Variants in KCNIP4 observed in about 807,000 individuals in gnomAD.
The protein encoded by KCNIP4 is potassium voltage-gated channel interacting protein 4, also known as Kv channel-interacting protein 4.
Under a neutral mutation model 34.0 loss-of-function variants are expected in KCNIP4, and 12 were observed. That is an observed-to-expected ratio of 0.35 (90% confidence interval 0.23 to 0.57). The LOEUF is 0.57. Among genes scored for constraint, KCNIP4 ranks in the 20% least tolerant of loss-of-function variants. The pLI is 0.83. For missense variants in KCNIP4, 238 were observed against 311.7 expected (o/e 0.76, Z 1.78); for synonymous variants, 124 against 102.2 (o/e 1.21, Z -1.29).
chr4:21,036,211 GA>G (rs1218223773), intron 1 of KCNIP4, among the ~76,000 whole-genome samples: 3 of 152,070 alleles, frequency 2.0e-5, no homozygotes, highest in Non-Finnish European at 4.4e-5. Context: ...ATGCCTTTAT[GA>G]ATACTGTATA....
intron 2 of KCNIP4, among the ~76,000 whole-genome samples, chr4:20,856,772 T>G (rs529992955): frequency 2.6e-5 from 4 of 152,302 alleles, no homozygotes; most frequent in Admixed American, 2.6e-4. Flanking sequence ...TTTATTGTAC[T>G]GGGAAATACA....
At chr4:20,758,972 C>A in intron 3 of KCNIP4, 82 bp from the exon 4 acceptor site, 1 of 1,054,402 alleles carries the variant, frequency 9.5e-7, no homozygotes, top group South Asian at 1.3e-5. Flanking sequence ...ACAGAACTGT[C>A]TACCATGCAA....
chr4:21,915,585 C>T (rs1460325223), intron 1 of KCNIP4, among the ~76,000 whole-genome samples: 2 of 152,194 alleles, frequency 1.3e-5, no homozygotes, highest in African/African-American at 4.8e-5. Flanking sequence ...CTTATAGCCA[C>T]AAAATACCTT....
chr4:21,053,561 GA>G, intron 1 of KCNIP4, among the ~76,000 whole-genome samples: 1 of 152,228 alleles, frequency 6.6e-6, no homozygotes, highest in African/African-American at 2.4e-5. Context: ...CCTTGTAAAT[GA>G]AGAAATAAAA....
At chr4:20,945,803 A>C (rs181483730) in intron 1 of KCNIP4, among the ~76,000 whole-genome samples, 46 of 152,294 alleles carry the variant, frequency 3.0e-4, no homozygotes, top group African/African-American at 1.1e-3. Context: ...CCTGAGATCA[A>C]CGGGTTTTAT....
At chr4:21,377,108 TTC>T (rs1488315279) in intron 1 of KCNIP4, among the ~76,000 whole-genome samples, 2 of 152,220 alleles carry the variant, frequency 1.3e-5, no homozygotes, top group African/African-American at 4.8e-5. Flanking sequence ...GCTGGTTGAA[TTC>T]TGTCTGACAC....
chr4:21,767,676 T>A (rs777338233), intron 1 of KCNIP4, among the ~76,000 whole-genome samples: 2 of 150,094 alleles, frequency 1.3e-5, no homozygotes, highest in Admixed American at 1.3e-4. Context: ...TCCTGAAATA[T>A]ATAAAACGTT....
At chr4:21,634,590 G>A (rs35082075) in intron 1 of KCNIP4, among the ~76,000 whole-genome samples, 23,045 of 151,948 alleles carry the variant, frequency 0.15, 2,083 homozygotes, top group South Asian at 0.21. Context: ...AACACAATTT[G>A]CAAAGTTATG....
chr4:20,932,598 T>C (rs576108598), intron 1 of KCNIP4, among the ~76,000 whole-genome samples: 7 of 152,274 alleles, frequency 4.6e-5, no homozygotes, highest in African/African-American at 1.4e-4. Flanking sequence ...TGCGAGATGA[T>C]AGATACGTTA....
chr4:21,513,878 C>T (rs1197697090), intron 1 of KCNIP4, among the ~76,000 whole-genome samples: 6 of 152,114 alleles, frequency 3.9e-5, no homozygotes, highest in East Asian at 1.9e-4. Flanking sequence ...TGGATCTGTA[C>T]GACCTGAAGG....
At chr4:20,764,625 T>G (rs890973337) in intron 3 of KCNIP4, among the ~76,000 whole-genome samples, 27 of 151,736 alleles carry the variant, frequency 1.8e-4, no homozygotes, top group African/African-American at 6.5e-4. Flanking sequence ...CCACCGCAGC[T>G]TTATGAGAAA....
intron 1 of KCNIP4, among the ~76,000 whole-genome samples, chr4:21,711,049 T>A (rs1713682194): frequency 6.6e-6 from 1 of 152,226 alleles, no homozygotes; most frequent in African/African-American, 2.4e-5. Context: ...ATAAAGCAAG[T>A]TAAGAAGATA....
At position 21,573,219 on chromosome 4, in the gene KCNIP4, A is replaced by G. The variant is rs1452162085; in HGVS notation, c.61+375352T>C. Among the ~76,000 whole-genome samples the G allele has an allele frequency of 2.0e-5, 3 of 152,240 alleles. No homozygotes were observed. In the East Asian group the frequency reaches 5.8e-4, roughly 29 times the overall value. ...TACTTGACCTTAGTGAGTATCTCCA[A>G]TATGTCAGGCACAGTACCAGGAACT... On this transcript the variant is annotated intron_variant, in intron 1 of 8. Transcript: ENST00000382152.
chr4:21,632,295 C>G (rs1170288348), intron 1 of KCNIP4, among the ~76,000 whole-genome samples: 4 of 152,130 alleles, frequency 2.6e-5, no homozygotes, highest in Admixed American at 6.5e-5. Context: ...CTCACTGCAA[C>G]CTCTGCCTCC....
intron 1 of KCNIP4, among the ~76,000 whole-genome samples, chr4:21,829,778 A>C (rs1167236617): frequency 6.6e-6 from 1 of 152,090 alleles, no homozygotes; most frequent in Non-Finnish European, 1.5e-5. Flanking sequence ...AAGTTCTATA[A>C]AACAACCAGA....
At chr4:21,770,670 T>G (rs1240162830) in intron 1 of KCNIP4, among the ~76,000 whole-genome samples, 1 of 152,182 alleles carries the variant, frequency 6.6e-6, no homozygotes, top group East Asian at 1.9e-4. Flanking sequence ...GGTATCGCAT[T>G]GTGATTTTGA....
chr4:20,815,224 T>C (rs187287848), intron 3 of KCNIP4, among the ~76,000 whole-genome samples: 5 of 152,260 alleles, frequency 3.3e-5, no homozygotes, highest in Non-Finnish European at 1.5e-5. Flanking sequence ...AATAAGGAAA[T>C]ACTATTTTCA....
chr4:21,569,066 G>A (rs1740145960), intron 1 of KCNIP4, among the ~76,000 whole-genome samples: 1 of 151,672 alleles, frequency 6.6e-6, no homozygotes, highest in Non-Finnish European at 1.5e-5. Flanking sequence ...CTTGATCTCA[G>A]ATTTTGAGCC....
intron 1 of KCNIP4, among the ~76,000 whole-genome samples, chr4:21,180,744 T>C (rs1365165082): frequency 2.0e-5 from 3 of 150,710 alleles, no homozygotes; most frequent in African/African-American, 7.3e-5. Flanking sequence ...TTTGTGTATA[T>C]ATATTTGTGT....
Sources: allele counts gnomAD v4.1 joint callset (sites outside exome capture counted in the v4.1 genomes callset), GRCh38; gene constraint gnomAD v4.1.1; transcripts MANE v1.5; gene names NCBI Gene and HGNC (gene_info 2026-07-23, HGNC 2026-07-21).